The following OVCH1 variants were observed in gnomAD, a reference collection of about 807,000 sequenced individuals.
The protein encoded by OVCH1 is ovochymase-1.
OVCH1 carries 139 observed loss-of-function variants against 138.4 expected under a neutral mutation model. The ratio of observed to expected loss-of-function variants is 1.00; its 90% CI spans 0.87 to 1.16. The LOEUF (loss-of-function observed/expected upper bound fraction) is 1.16. Among genes scored for constraint, OVCH1 ranks in the 50% most tolerant of loss-of-function variants. The pLI is 0.00. For synonymous variants in OVCH1, 453 were observed against 467.8 expected, an observed-to-expected ratio of 0.97 and a Z score of 0.41; for missense variants, 1,367 against 1,357.9, an observed-to-expected ratio of 1.01 and a Z score of -0.11.
chr12:29,426,268 C>T (rs1393150771), downstream of OVCH1, among the ~76,000 whole-genome samples: 1 of 152,112 alleles, frequency 6.6e-6, no homozygotes, highest in Non-Finnish European at 1.5e-5. Context: ...TCCATCAACC[C>T]TTTAAAAAGT....
At chr12:29,494,004 A>C (rs1943344007) in intron 4 of OVCH1, among the ~76,000 whole-genome samples, 1 of 152,194 alleles carries the variant, frequency 6.6e-6, no homozygotes, top group South Asian at 2.1e-4. Context: ...TTTGCCTTGG[A>C]GTTTTTTGTG....
intron 8 of OVCH1, among the ~76,000 whole-genome samples, chr12:29,485,872 G>A (rs559402742): frequency 2.0e-4 from 31 of 151,622 alleles, no homozygotes; most frequent in Non-Finnish European, 4.0e-4. Flanking sequence ...GAACCCAGGA[G>A]GCAGAGGTTG....
intron 22 of OVCH1, among the ~76,000 whole-genome samples, chr12:29,450,477 C>T (rs1941754822): frequency 6.6e-6 from 1 of 152,164 alleles, no homozygotes; most frequent in South Asian, 2.1e-4. Context: ...TACCATCTCA[C>T]TCCAGTTAGA....
chr12:29,449,683 GA>G (rs779557348), intron 22 of OVCH1, among the ~76,000 whole-genome samples: 3 of 151,774 alleles, frequency 2.0e-5, no homozygotes, highest in Non-Finnish European at 4.4e-5. Context: ...AAATGCTTTT[GA>G]AAAATAAGCC....
At chr12:29,436,639 T>C (rs930191668) in intron 26 of OVCH1, among the ~76,000 whole-genome samples, 11 of 152,196 alleles carry the variant, frequency 7.2e-5, no homozygotes, top group Non-Finnish European at 1.2e-4. Flanking sequence ...TTCAGATGTG[T>C]CCAGAGTTTC....
At chr12:29,425,838 T>C (rs1443114575), downstream of OVCH1, 1 of 145,424 alleles carries the variant, frequency 6.9e-6, no homozygotes, top group Non-Finnish European at 1.5e-5. Context: ...GAGAATTCCA[T>C]GTATATTTAA....
intron 18 of OVCH1, among the ~76,000 whole-genome samples, chr12:29,463,905 C>T (rs1396129031): frequency 6.6e-6 from 1 of 152,026 alleles, no homozygotes; most frequent in Admixed American, 6.6e-5. Flanking sequence ...ATAAGAAGCA[C>T]AAAACAAATA....
intron 15 of OVCH1, 121 bp from the exon 16 acceptor site, chr12:29,472,103 T>C (rs1465371842): frequency 3.7e-6 from 4 of 1,091,300 alleles, no homozygotes; most frequent in Non-Finnish European, 5.0e-6. Context: ...TATAATAATA[T>C]TGACTCCCAA....
intron 13 of OVCH1, among the ~76,000 whole-genome samples, chr12:29,475,637 G>A (rs1942680768): frequency 6.6e-6 from 1 of 152,106 alleles, no homozygotes; most frequent in Non-Finnish European, 1.5e-5. Flanking sequence ...TGCCCTTAAT[G>A]TCTAAATAAA....
intron 26 of OVCH1, among the ~76,000 whole-genome samples, chr12:29,437,266 A>G (rs1941381331): frequency 6.6e-6 from 1 of 152,184 alleles, no homozygotes; most frequent in Admixed American, 6.5e-5. Context: ...AGCTGGCTTC[A>G]CCTCTTAATT....
chr12:29,422,054 A>G (rs1941111945), intron 3 of OVCH1, among the ~76,000 whole-genome samples: 1 of 152,182 alleles, frequency 6.6e-6, no homozygotes, highest in Admixed American at 6.5e-5. Context: ...TAGGAAAAAA[A>G]GTTGTTTACT....
At chr12:29,484,847 A>C (rs1943043765) in intron 8 of OVCH1, among the ~76,000 whole-genome samples, 47 bp from the exon 9 acceptor site, 1 of 152,172 alleles carries the variant, frequency 6.6e-6, no homozygotes, top group South Asian at 2.1e-4. Context: ...ACCCATAGAC[A>C]ACATTTCAAA....
exon 17 of OVCH1, chr12:29,465,194 T>A: frequency 6.2e-7 from 1 of 1,604,686 alleles, no homozygotes; most frequent in South Asian, 1.1e-5. Flanking sequence ...CCAGCAATAA[T>A]AGTCCAGGAG....
chr12:29,416,031 A>T lies in OVCH1; in HGVS notation c.*72-3306T>A, dbSNP rs142179513. ...ATGGCAAAGGCACAAAAGCAATTCA[A>T]CAGATGGTGTTAGAGCAACTGGCTA... On this transcript the variant is annotated intron_variant and NMD_transcript_variant, in intron 3 of 4. Coordinates refer to the OVCH1 transcript ENST00000539117. Among the ~76,000 whole-genome samples the T allele has an allele frequency of 5.3e-5, 8 of 152,038 alleles. No homozygotes were observed. The East Asian group carries it at 1.4e-3, about 26-fold the overall frequency.
intron 14 of OVCH1, among the ~76,000 whole-genome samples, chr12:29,474,078 C>CAT (rs1310005430): frequency 7.4e-6 from 1 of 134,816 alleles, no homozygotes; most frequent in Non-Finnish European, 1.5e-5. Flanking sequence ...CACACATACA[C>CAT]ACACACACAC....
In OVCH1 at chr12:29,465,766, C is replaced by T. The variant is rs75729535; in HGVS notation, c.1857-547G>A. ...ATATCACCAAAGGCTTTTTTTAGGT[C>T]GAGGAGGAAAAATGAAAATAATTAA... On this transcript the variant is annotated intron_variant, in intron 16 of 27. Coordinates refer to ENST00000318184, the Ensembl canonical transcript of OVCH1. 1.6e-3 allele frequency among the ~76,000 whole-genome samples: 237 copies of T among 151,606 alleles called. 1 individual carries two copies. The highest frequency in any genetic ancestry group is 5.4e-3 in the African/African-American group (221 of 41,262).
chr12:29,434,524 A>T (rs1318026072), intron 26 of OVCH1, among the ~76,000 whole-genome samples: 1 of 152,204 alleles, frequency 6.6e-6, no homozygotes, highest in Non-Finnish European at 1.5e-5. Flanking sequence ...GAACAAAAAC[A>T]TACATATGGA....
intron 8 of OVCH1, among the ~76,000 whole-genome samples, chr12:29,485,733 G>A (rs974796875): frequency 2.6e-5 from 4 of 151,808 alleles, no homozygotes; most frequent in Non-Finnish European, 1.5e-5. Context: ...CCGAGATTGT[G>A]CCACTGCACT....
chr12:29,454,782 A>G (rs1413710873), intron 21 of OVCH1, 59 bp downstream of exon 21: 9 of 1,448,644 alleles, frequency 6.2e-6, no homozygotes, highest in Non-Finnish European at 8.6e-6. Flanking sequence ...CTAGACAGAC[A>G]ATGCTTCTTG....
Sources: allele counts gnomAD v4.1 joint callset (sites outside exome capture counted in the v4.1 genomes callset), GRCh38; gene constraint gnomAD v4.1.1; transcripts MANE v1.5; gene names NCBI Gene and HGNC (gene_info 2026-07-23, HGNC 2026-07-21).